ZMYND8: variants seen among roughly 807,000 people sequenced by gnomAD.
ZMYND8 encodes the protein zinc finger MYND-type containing 8.
ZMYND8 carries 37 observed loss-of-function variants against 140.8 expected under a neutral mutation model. The observed-to-expected ratio is 0.26, with a 90% CI of 0.20 to 0.35. The LOEUF is 0.35. ZMYND8 is among the 10% of genes least tolerant of loss of function. The pLI, the probability that ZMYND8 is intolerant of heterozygous loss-of-function variation, is 1.00. For missense variants in ZMYND8, 1,068 were observed against 1,570.0 expected (o/e 0.68, Z 5.40); for synonymous variants, 592 against 597.1 (o/e 0.99, Z 0.12).
intron 16 of ZMYND8, among the ~76,000 whole-genome samples, chr20:47,232,293 G>C (rs776490184): frequency 6.6e-6 from 1 of 152,152 alleles, no homozygotes; most frequent in Non-Finnish European, 1.5e-5. Flanking sequence ...AGAATCGCTT[G>C]AATCTGGGAG....
At chr20:47,230,343 G>A (rs988178087) in intron 16 of ZMYND8, among the ~76,000 whole-genome samples, 2 of 151,568 alleles carry the variant, frequency 1.3e-5, no homozygotes, top group South Asian at 2.1e-4. Flanking sequence ...CCAGACTGGA[G>A]TGCAGGGGCG....
chr20:47,323,572 T>C (rs550286926), intron 2 of ZMYND8, among the ~76,000 whole-genome samples: 1 of 152,150 alleles, frequency 6.6e-6, no homozygotes, highest in South Asian at 2.1e-4. Context: ...CCAAGCCTGT[T>C]TTTAAAAAGG....
rs1246460777 is a variant in ZMYND8, at chr20:47,347,935, G to C, written c.15-9C>G. 2 of 1,613,474 alleles carry C rather than the reference G, an allele frequency of 1.2e-6. No homozygotes were observed. The highest frequency in any genetic ancestry group is 1.7e-6 in the Non-Finnish European group (2 of 1,179,960). On this transcript the variant is annotated splice_polypyrimidine_tract_variant and intron_variant, in intron 1 of 22. Coordinates refer to ENST00000471951, the MANE Select transcript of ZMYND8 (RefSeq NM_001281775.3). ...TTTCCTCTTCAGCCAAGCTGAAACA[G>C]AGCAAATTATGTTCATGTTTAGGAA...
Position 47,276,367 on chromosome 20 carries a change from G to A in ZMYND8, c.1427C>T (p.Ser476Leu), listed in dbSNP as rs748590284. ...CTCCTCGCTCGCACTGAAGTGGCTCGACGTGGCCTTCTTCTCAGCATCCTG... is the reference window on the plus strand; with the variant it reads ...CTCCTCGCTCGCACTGAAGTGGCTCAACGTGGCCTTCTTCTCAGCATCCTG... ...VEQDAEKKAT[S>L]SHFSASEESM... Residue 476 changes from serine to leucine, a missense_variant, in exon 11 of 23, where the codon TCG becomes TTG. Ser to Leu is a moderately radical substitution (Grantham distance 145, BLOSUM62 -2). Around this residue, in one of 10 missense-constraint regions of ZMYND8, gnomAD observed 173 missense variants for 223.3 expected, o/e 0.77. Coordinates refer to ENST00000471951, the MANE Select transcript of ZMYND8 (RefSeq NM_001281775.3). The A allele has an allele frequency of 1.7e-5, 28 of 1,602,134 alleles. No homozygotes were observed. The highest frequency in any genetic ancestry group is 7.7e-5 in the South Asian group (7 of 90,484).
chr20:47,324,964 G>T (rs1226807323), intron 2 of ZMYND8, among the ~76,000 whole-genome samples: 2 of 152,052 alleles, frequency 1.3e-5, no homozygotes, highest in African/African-American at 4.8e-5. Flanking sequence ...GAGTACAATG[G>T]TGTGACCTTG....
intron 2 of ZMYND8, among the ~76,000 whole-genome samples, chr20:47,343,667 T>C (rs1410044821): frequency 6.6e-6 from 1 of 152,142 alleles, no homozygotes; most frequent in African/African-American, 2.4e-5. Flanking sequence ...ATACAATGTT[T>C]GTTATTTTTA....
intron 2 of ZMYND8, among the ~76,000 whole-genome samples, chr20:47,338,473 G>A (rs933870326): frequency 1.3e-5 from 2 of 151,970 alleles, no homozygotes; most frequent in African/African-American, 4.8e-5. Context: ...ATCCCACTGC[G>A]GACGCTGAGA....
intron 2 of ZMYND8, among the ~76,000 whole-genome samples, chr20:47,316,959 G>A (rs532049727): frequency 3.3e-4 from 50 of 152,164 alleles, no homozygotes; most frequent in African/African-American, 1.2e-3. Context: ...GTGAGGCTCC[G>A]AGGGCCAGAG....
chr20:47,257,598 T>C (rs1397512444), intron 12 of ZMYND8, among the ~76,000 whole-genome samples: 1 of 151,800 alleles, frequency 6.6e-6, no homozygotes, highest in Non-Finnish European at 1.5e-5. Flanking sequence ...ATACATATAC[T>C]CAAATATACC....
At chr20:47,293,363 T>C (rs1398022509) in intron 5 of ZMYND8, among the ~76,000 whole-genome samples, 2 of 152,184 alleles carry the variant, frequency 1.3e-5, no homozygotes, top group Admixed American at 6.5e-5. Context: ...TCCTGAAAAG[T>C]ATTGTGATAA....
intron 10 of ZMYND8, 115 bp from the exon 11 acceptor site, chr20:47,276,910 T>TAAAAAA: frequency 9.7e-6 from 5 of 514,860 alleles, no homozygotes; most frequent in Non-Finnish European, 1.4e-5. Flanking sequence ...CTTATTCTAT[T>TAAAAAA]AAAAAAAAAA....
intron 2 of ZMYND8, among the ~76,000 whole-genome samples, chr20:47,334,604 A>AT (rs1484034029): frequency 9.9e-4 from 144 of 146,020 alleles, no homozygotes; most frequent in Middle Eastern, 7.0e-3. Context: ...TGAAAAAAAA[A>AT]AATATATATA....
At position 47,282,228 on chromosome 20, in the gene ZMYND8, A is replaced by C; in HGVS notation, c.883-11T>G. On this transcript the variant is annotated splice_polypyrimidine_tract_variant and intron_variant, in intron 9 of 22. Coordinates refer to ENST00000471951, the MANE Select transcript of ZMYND8 (RefSeq NM_001281775.3). The stretch of plus-strand genomic sequence containing the variant: ...AGGATGTGGATTGCTCTAGGAAAAG[A>C]AAAACAAGATCCAGAGTTTGTACAT... 1.9e-6 allele frequency: 3 copies of C among 1,607,682 alleles called. No individual in the cohort carries two copies. The highest frequency in any genetic ancestry group is 2.5e-6 in the Non-Finnish European group (3 of 1,177,210).
intron 19 of ZMYND8, among the ~76,000 whole-genome samples, chr20:47,224,073 T>C (rs899510766): frequency 2.0e-5 from 3 of 152,232 alleles, no homozygotes; most frequent in African/African-American, 7.2e-5. Context: ...ACTGACACTT[T>C]AGGCCTGAGA....
At chr20:47,318,661 A>G in intron 2 of ZMYND8, 1 of 449,744 alleles carries the variant, frequency 2.2e-6, no homozygotes. Context: ...TTAGACCCAC[A>G]GAAACTCGAG....
In ZMYND8 at chr20:47,209,247, TAAAGA is replaced by T; in HGVS notation, c.*1509_*1513del. 6.9e-6 allele frequency: 1 copy of T among 145,072 alleles called. No homozygotes were observed. Among genetic ancestry groups the T allele is most frequent in the Non-Finnish European group, 1.5e-5 (1 of 66,300 alleles). 9.0% of individuals were successfully genotyped at this position (145,072 alleles called of 1,614,324 possible). A position where few individuals can be genotyped will look rare whatever the true frequency, so the allele number is the denominator to read the frequency against. On this transcript the variant is annotated 3_prime_UTR_variant, in exon 23 of 23. Transcript: ENST00000471951. Reference sequence around the variant, plus strand: ...CCAAAACAGTTTAATTAAAAAAAGGTAAAGAAATCTGAAAAAACTGGGGGGGTGGG... The same window carrying T: ...CCAAAACAGTTTAATTAAAAAAAGGTAATCTGAAAAAACTGGGGGGGTGGG...
chr20:47,212,758 G>C (rs746776574), intron 21 of ZMYND8, 33 bp from the exon 22 acceptor site: 1 of 1,567,220 alleles, frequency 6.4e-7, no homozygotes, highest in Admixed American at 1.8e-5. Context: ...CTCAGAGTCT[G>C]TCAGAGAGCT....
chr20:47,303,146 G>A (rs183669793), intron 3 of ZMYND8, among the ~76,000 whole-genome samples: 357 of 152,180 alleles, frequency 2.3e-3, no homozygotes, highest in Non-Finnish European at 4.5e-3. Context: ...TGGTTGCTTC[G>A]AATTTATTGT....
intron 12 of ZMYND8, among the ~76,000 whole-genome samples, chr20:47,260,692 C>G (rs917424072): frequency 6.6e-6 from 1 of 152,208 alleles, no homozygotes; most frequent in Non-Finnish European, 1.5e-5. Flanking sequence ...CATCACATTA[C>G]CTTCCAGACA....
Sources: allele counts gnomAD v4.1 joint callset (sites outside exome capture counted in the v4.1 genomes callset), GRCh38; gene constraint gnomAD v4.1.1; regional missense constraint gnomAD v4.1.1; transcripts MANE v1.5; gene names NCBI Gene and HGNC (gene_info 2026-07-23, HGNC 2026-07-21).